The following ALK variants were observed in gnomAD, a reference collection of about 807,000 sequenced individuals.
The protein encoded by ALK is ALK receptor tyrosine kinase, also known as ALK tyrosine kinase receptor.
In ALK, 74 loss-of-function variants were observed where a neutral mutation model predicts 163.1. The ratio of observed to expected loss-of-function variants is 0.45; its 90% confidence interval spans 0.38 to 0.55. The LOEUF is 0.55. Among genes scored for constraint, ALK ranks in the 20% least tolerant of loss-of-function variants. The pLI is 0.00. For synonymous variants in ALK, 960 were observed against 843.2 expected (o/e 1.14, Z -2.40); for missense variants, 2,063 against 2,105.3 (o/e 0.98, Z 0.39).
intron 1 of ALK, among the ~76,000 whole-genome samples, chr2:29,792,472 G>C (rs1664211859): frequency 6.6e-6 from 1 of 152,046 alleles, no homozygotes; most frequent in South Asian, 2.1e-4. Flanking sequence ...ACAATAAAAG[G>C]CAGATAAAGT....
intron 1 of ALK, among the ~76,000 whole-genome samples, chr2:29,797,701 T>C (rs1664354293): frequency 6.6e-6 from 1 of 152,176 alleles, no homozygotes; most frequent in South Asian, 2.1e-4. Flanking sequence ...GTGTTAGATT[T>C]TTAAATCTCC....
In ALK at chr2:29,275,119, G is replaced by A. The variant is rs1178181097; in HGVS notation, c.2021C>T (p.Thr674Ile). 6.2e-7 allele frequency: 1 copy of A among 1,614,038 alleles called. No homozygotes were observed. Among genetic ancestry groups the A allele is most frequent in the Admixed American group, 1.7e-5 (1 of 60,006 alleles). The change falls in exon 11 of 29, where the codon ACC becomes ATC. Residue 674 changes from threonine (T) to isoleucine (I), a missense_variant. Physicochemically the swap from Thr to Ile is moderately conservative, Grantham distance 89 (BLOSUM62 -1). Transcript: ENST00000389048. ...LKPGENSPRQ[T>I]PIFDPTVHWL... ...CTTACCTGTAGGGTCAAAGATGGGG[G>A]TCTGTCTTGGTGAATTTTCCCCGGG...
chr2:29,441,954 A>T (rs1463758275), intron 4 of ALK, among the ~76,000 whole-genome samples: 1 of 152,232 alleles, frequency 6.6e-6, no homozygotes, highest in East Asian at 1.9e-4. Context: ...TAGAGGCACA[A>T]ATCATTTCCA....
At chr2:29,907,678 T>C (rs1048673628) in intron 1 of ALK, among the ~76,000 whole-genome samples, 4 of 152,224 alleles carry the variant, frequency 2.6e-5, no homozygotes, top group African/African-American at 9.6e-5. Flanking sequence ...TCTCTCTACG[T>C]CCTCTGGAAA....
chr2:29,379,064 G>A (rs566498158), intron 5 of ALK, among the ~76,000 whole-genome samples: 1 of 152,104 alleles, frequency 6.6e-6, no homozygotes, highest in Non-Finnish European at 1.5e-5. Flanking sequence ...CCATTCTGAC[G>A]TATGTGTTGC....
chr2:29,892,070 C>A (rs1572475500), intron 1 of ALK, among the ~76,000 whole-genome samples: 1 of 152,154 alleles, frequency 6.6e-6, no homozygotes, highest in African/African-American at 2.4e-5. Flanking sequence ...TTCAGTCTTA[C>A]CTACTACCTG....
Position 29,396,836 on chromosome 2 carries a change from G to GTTTT in ALK, c.1155-12981_1155-12978dup, listed in dbSNP as rs10654058. On this transcript the variant is annotated intron_variant, in intron 4 of 28. Coordinates refer to ENST00000389048, the MANE Select transcript of ALK (RefSeq NM_004304.5). ...TACCCAGAGGCCCTTTGTTACTATG[G>GTTTT]TTTTTTTTTTTTTTTTTTTTTTTTG... 9.0e-4 allele frequency among the ~76,000 whole-genome samples: 42 copies of GTTTT among 46,616 alleles called. 3 individuals are homozygous for GTTTT. Among genetic ancestry groups the GTTTT allele is most frequent in the South Asian group, 2.9e-3 (2 of 686 alleles). 30.6% of individuals were successfully genotyped at this position (46,616 alleles called of 152,430 possible).
chr2:29,689,350 T>A (rs1312657529), intron 3 of ALK, among the ~76,000 whole-genome samples: 1 of 152,206 alleles, frequency 6.6e-6, no homozygotes, highest in Non-Finnish European at 1.5e-5. Flanking sequence ...GGAGGCTATA[T>A]CCTGAGAGAA....
intron 4 of ALK, among the ~76,000 whole-genome samples, chr2:29,387,206 G>GGA (rs1669052458): frequency 1.3e-5 from 2 of 152,122 alleles, no homozygotes; most frequent in Non-Finnish European, 2.9e-5. Context: ...GTGTCTCTCT[G>GGA]GAGCTCTCCG....
At chr2:29,753,104 A>G (rs1680419252) in intron 1 of ALK, among the ~76,000 whole-genome samples, 1 of 152,342 alleles carries the variant, frequency 6.6e-6, no homozygotes, top group African/African-American at 2.4e-5. Flanking sequence ...GCAGAAACAC[A>G]CAGAAGGAGA....
At chr2:29,801,244 C>T (rs1664461505) in intron 1 of ALK, among the ~76,000 whole-genome samples, 2 of 152,078 alleles carry the variant, frequency 1.3e-5, no homozygotes, top group South Asian at 4.2e-4. Context: ...ACATGGAAAA[C>T]AATAACCCAT....
intron 5 of ALK, among the ~76,000 whole-genome samples, chr2:29,336,032 G>C (rs1313425703): frequency 6.6e-6 from 1 of 152,046 alleles, no homozygotes; most frequent in Non-Finnish European, 1.5e-5. Context: ...AAGTGAGACT[G>C]TCTCAAAAAA....
intron 1 of ALK, among the ~76,000 whole-genome samples, chr2:29,797,136 TTTC>T (rs1408727370): frequency 6.6e-6 from 1 of 152,020 alleles, no homozygotes; most frequent in Non-Finnish European, 1.5e-5. Context: ...CCTAGCAACC[TTTC>T]TTTAGATTGC....
At chr2:29,720,838 A>T (rs902156604) in intron 1 of ALK, among the ~76,000 whole-genome samples, 7 of 152,134 alleles carry the variant, frequency 4.6e-5, no homozygotes, top group African/African-American at 1.7e-4. Context: ...AGCTAGAGAA[A>T]GCCTTGTCTT....
intron 1 of ALK, among the ~76,000 whole-genome samples, chr2:29,878,992 G>T (rs760309974): frequency 7.3e-4 from 111 of 152,120 alleles, no homozygotes; most frequent in Non-Finnish European, 1.4e-3. Context: ...CACACAGTAT[G>T]CAGGCAAGAA....
chr2:29,679,467 G>A (rs184906872), intron 3 of ALK, among the ~76,000 whole-genome samples: 2 of 145,090 alleles, frequency 1.4e-5, no homozygotes, highest in East Asian at 4.0e-4. Flanking sequence ...TTTTCTCTCT[G>A]TTTCTTTCTC....
chr2:29,435,352 C>T (rs546331234), intron 4 of ALK, among the ~76,000 whole-genome samples: 2 of 152,258 alleles, frequency 1.3e-5, no homozygotes, highest in South Asian at 4.1e-4. Flanking sequence ...AGGTTGTTCT[C>T]TGCTGAGTCT....
intron 1 of ALK, among the ~76,000 whole-genome samples, chr2:29,874,962 C>A (rs980983653): frequency 2.6e-5 from 4 of 152,182 alleles, no homozygotes; most frequent in Admixed American, 1.3e-4. Flanking sequence ...CTGTATTTGG[C>A]AGGTCCTCAG....
At chr2:29,917,043 C>T (rs1171643162) in intron 1 of ALK, among the ~76,000 whole-genome samples, 5 of 152,218 alleles carry the variant, frequency 3.3e-5, no homozygotes, top group Non-Finnish European at 2.9e-5. Context: ...TAAGGCCTCT[C>T]AGACATCTTT....
Sources: gnomAD v4.1 joint callset for allele counts (sites outside exome capture counted in the v4.1 genomes callset) on GRCh38, gnomAD v4.1.1 for gene constraint, MANE v1.5 for transcripts, NCBI Gene and HGNC (gene_info 2026-07-23, HGNC 2026-07-21) for gene names.